The following UBR1 variants were observed in gnomAD, a reference collection of about 807,000 sequenced individuals.
UBR1 encodes E3 ubiquitin-protein ligase UBR1.
In UBR1, 102 loss-of-function variants were observed where a neutral mutation model predicts 242.1. The observed-to-expected ratio is 0.42, with a 90% confidence interval of 0.36 to 0.50. The LOEUF is 0.50. Among genes scored for constraint, UBR1 ranks in the 20% least tolerant of loss-of-function variants. The pLI is 0.01. For missense variants in UBR1, 1,772 were observed against 2,101.8 expected (o/e 0.84, Z 3.07); for synonymous variants, 675 against 684.8 (o/e 0.99, Z 0.22).
chr15:43,082,936 T>C (rs2050794888), intron 2 of UBR1, among the ~76,000 whole-genome samples: 2 of 152,216 alleles, frequency 1.3e-5, no homozygotes, highest in Non-Finnish European at 2.9e-5. Flanking sequence ...GTCTGGATGT[T>C]TGGTTTTCTT....
At chr15:43,032,377 C>A (rs2033268515) in intron 20 of UBR1, among the ~76,000 whole-genome samples, 191 bp downstream of exon 20, 3 of 151,996 alleles carry the variant, frequency 2.0e-5, no homozygotes. Flanking sequence ...CACTAAAGGA[C>A]CTCCAAATAA....
intron 20 of UBR1, among the ~76,000 whole-genome samples, chr15:43,032,033 C>CA (rs1295897303): frequency 1.3e-5 from 2 of 151,684 alleles, no homozygotes; most frequent in African/African-American, 4.8e-5. Flanking sequence ...GACTCCGTCT[C>CA]AAAAAAACAA....
At chr15:42,993,837 CAA>C (rs879428378) in intron 33 of UBR1, among the ~76,000 whole-genome samples, 11 of 124,422 alleles carry the variant, frequency 8.8e-5, no homozygotes, top group Admixed American at 8.2e-5. Context: ...GACTCCATCT[CAA>C]AAAAAAAAAA....
intron 39 of UBR1, among the ~76,000 whole-genome samples, chr15:42,973,138 G>C (rs1425186575): frequency 1.3e-5 from 2 of 152,190 alleles, no homozygotes; most frequent in Non-Finnish European, 2.9e-5. Flanking sequence ...TATATCTTCT[G>C]TGGTGAGGTG....
intron 24 of UBR1, 136 bp from the exon 25 acceptor site, chr15:43,025,119 C>A: frequency 8.8e-7 from 1 of 1,135,584 alleles, no homozygotes; most frequent in South Asian, 1.5e-5. Context: ...TGCTACCTTT[C>A]CAGTACTGAA....
At chr15:42,947,946 T>C (rs2141246945) in intron 46 of UBR1, among the ~76,000 whole-genome samples, 1 of 152,186 alleles carries the variant, frequency 6.6e-6, no homozygotes, top group East Asian at 1.9e-4. Flanking sequence ...TTAAAGTTCA[T>C]ATGGAACCAA....
At chr15:42,988,278 T>TGA (rs1217219022) in intron 35 of UBR1, among the ~76,000 whole-genome samples, 1 of 151,672 alleles carries the variant, frequency 6.6e-6, no homozygotes, top group East Asian at 1.9e-4. Flanking sequence ...TATGTGTGTG[T>TGA]GTGTGTGTGT....
intron 44 of UBR1, among the ~76,000 whole-genome samples, chr15:42,953,733 G>T (rs1358875233): frequency 6.6e-6 from 1 of 152,126 alleles, no homozygotes; most frequent in African/African-American, 2.4e-5. Context: ...GAAATTGGTG[G>T]TGACAATAAA....
At chr15:42,981,634 C>T (rs1341200738) in intron 37 of UBR1, among the ~76,000 whole-genome samples, 2 of 152,068 alleles carry the variant, frequency 1.3e-5, no homozygotes, top group East Asian at 1.9e-4. Context: ...GGACTACAGG[C>T]GCCCGCCACC....
At chr15:43,000,931 T>G (rs1455225054) in intron 32 of UBR1, among the ~76,000 whole-genome samples, 1 of 152,156 alleles carries the variant, frequency 6.6e-6, no homozygotes, top group Non-Finnish European at 1.5e-5. Flanking sequence ...CCTCCCGGGT[T>G]CAAGCAATTT....
At chr15:43,013,627 A>T (rs887830526) in intron 29 of UBR1, among the ~76,000 whole-genome samples, 4 of 152,280 alleles carry the variant, frequency 2.6e-5, no homozygotes, top group Non-Finnish European at 4.4e-5. Flanking sequence ...GCTAATGCAC[A>T]CAAAATAACG....
intron 29 of UBR1, among the ~76,000 whole-genome samples, chr15:43,010,022 C>T (rs1320022761): frequency 6.6e-6 from 1 of 152,168 alleles, no homozygotes; most frequent in Non-Finnish European, 1.5e-5. Context: ...CAGGCACCTG[C>T]CACCATGCCC....
intron 15 of UBR1, 89 bp from the exon 16 acceptor site, chr15:43,038,321 T>G: frequency 7.3e-7 from 1 of 1,365,168 alleles, no homozygotes; most frequent in Non-Finnish European, 1.0e-6. Context: ...TTGTGCGATT[T>G]GATTTGGCTG....
At chr15:42,945,703 T>A (rs943799608) in intron 46 of UBR1, among the ~76,000 whole-genome samples, 1 of 152,180 alleles carries the variant, frequency 6.6e-6, no homozygotes, top group African/African-American at 2.4e-5. Context: ...AGGTCAGGTA[T>A]ATTATGGCAT....
At chr15:42,991,081 C>A (rs2141277426) in intron 33 of UBR1, among the ~76,000 whole-genome samples, 1 of 151,818 alleles carries the variant, frequency 6.6e-6, no homozygotes, top group African/African-American at 2.4e-5. Context: ...TCAAAACCAG[C>A]CTGGCCAACA....
intron 25 of UBR1, among the ~76,000 whole-genome samples, chr15:43,023,598 CAAAAAAAA>C (rs35071600): frequency 1.3e-4 from 5 of 39,952 alleles, no homozygotes; most frequent in African/African-American, 5.0e-4. Context: ...AACTCCATCT[CAAAAAAAA>C]AAAAAAAAAA....
chr15:43,103,497 A>C (rs933391781), intron 1 of UBR1, among the ~76,000 whole-genome samples: 1 of 152,244 alleles, frequency 6.6e-6, no homozygotes, highest in African/African-American at 2.4e-5. Flanking sequence ...CATGCTTGTG[A>C]AAATGCAGAT....
intron 22 of UBR1, 22 bp downstream of exon 22, chr15:43,027,754 A>C (rs1222518974): frequency 6.2e-7 from 1 of 1,604,048 alleles, no homozygotes; most frequent in East Asian, 2.2e-5. Context: ...TTTTAGAATA[A>C]GCATAAATAT....
At chr15:42,982,244 TTAG>T (rs2032389054) in intron 37 of UBR1, among the ~76,000 whole-genome samples, 1 of 152,168 alleles carries the variant, frequency 6.6e-6, no homozygotes. Context: ...TTTGGAAGAA[TTAG>T]TAAATATCTA....
Sources: gnomAD v4.1 joint callset for allele counts (sites outside exome capture counted in the v4.1 genomes callset) on GRCh38, gnomAD v4.1.1 for gene constraint, MANE v1.5 for transcripts, NCBI Gene and HGNC (gene_info 2026-07-23, HGNC 2026-07-21) for gene names.